SIRT1: variants seen among roughly 807,000 people sequenced by gnomAD.
SIRT1 encodes sirtuin 1, also known as NAD-dependent protein deacetylase sirtuin-1.
Under a neutral mutation model 67.9 loss-of-function variants are expected in SIRT1, and 24 were observed. That is an observed-to-expected ratio of 0.35 (90% CI 0.26 to 0.50). SIRT1 has a LOEUF of 0.50. Ranked by LOEUF, SIRT1 falls within the 20% of genes least tolerant of loss-of-function variation. The pLI is 0.98. For synonymous variants in SIRT1, 378 were observed against 350.7 expected (o/e 1.08, Z -0.87); for missense variants, 873 against 937.2 (o/e 0.93, Z 0.89).
rs546742195 is a variant in SIRT1 at position 67,899,320 on chromosome 10, A to T, written c.943-7470A>T. Reference sequence around the variant, plus strand: ...TTCTTAGCATTAAAAAAAAAGTTATATAAATATATATAATTATATATATAT... The same window carrying T: ...TTCTTAGCATTAAAAAAAAAGTTATTTAAATATATATAATTATATATATAT... On this transcript the variant is annotated intron_variant, in intron 4 of 8. Coordinates refer to ENST00000212015, the MANE Select transcript of SIRT1 (RefSeq NM_012238.5). 2.0e-4 allele frequency among the ~76,000 whole-genome samples: 30 copies of T among 151,070 alleles called. 1 individual carries two copies. In the South Asian group the frequency reaches 6.0e-3, roughly 30 times the overall value.
chr10:67,903,072 G>A (rs1842766866), intron 4 of SIRT1, among the ~76,000 whole-genome samples: 1 of 152,114 alleles, frequency 6.6e-6, no homozygotes, highest in Non-Finnish European at 1.5e-5. Flanking sequence ...CATCCTGGGT[G>A]ACAGAGCGAG....
At chr10:67,893,821 G>A (rs185305945) in intron 4 of SIRT1, among the ~76,000 whole-genome samples, 3 of 152,312 alleles carry the variant, frequency 2.0e-5, no homozygotes, top group Admixed American at 1.3e-4. Context: ...GGGATTACAG[G>A]TGCGAGGCAC....
At chr10:67,906,727 A>G (rs2131879801) in intron 4 of SIRT1, 63 bp from the exon 5 acceptor site, 1 of 1,494,762 alleles carries the variant, frequency 6.7e-7, no homozygotes, top group East Asian at 2.3e-5. Context: ...TTTTTTGTTA[A>G]ACATATGACA....
At chr10:67,892,182 C>A (rs1216504593) in intron 4 of SIRT1, among the ~76,000 whole-genome samples, 1 of 152,136 alleles carries the variant, frequency 6.6e-6, no homozygotes, top group Non-Finnish European at 1.5e-5. Flanking sequence ...TAGTTTTATT[C>A]ATCAAATATT....
Position 67,912,519 on chromosome 10 carries a change from C to G in SIRT1, c.1403C>G (p.Pro468Arg), listed in dbSNP as rs777705431. The G allele has an allele frequency of 1.2e-6, 2 of 1,613,912 alleles. No individual in the cohort carries two copies. Among genetic ancestry groups the G allele is most frequent in the East Asian group, 2.2e-5 (1 of 44,856 alleles). The part of the protein sequence containing the change: ...EVPQILINRE[P>R]LPHLHFDVEL... The stretch of plus-strand genomic sequence containing the variant: ...CCTCAGATATTAATTAATAGAGAAC[C>G]TTTGCCTCATCTGCATTTTGATGTA... Residue 468 changes from proline (P) to arginine (R), a missense_variant, in exon 8 of 9, where the codon CCT becomes CGT. Coordinates refer to ENST00000212015, the MANE Select transcript of SIRT1 (RefSeq NM_012238.5).
intron 4 of SIRT1, among the ~76,000 whole-genome samples, chr10:67,893,176 T>C (rs1842600289): frequency 1.3e-5 from 2 of 152,216 alleles, no homozygotes; most frequent in Admixed American, 1.3e-4. Context: ...ATGTGCAGAA[T>C]GCGCAGATTT....
intron 1 of SIRT1, among the ~76,000 whole-genome samples, chr10:67,886,665 AATT>A (rs563881527): frequency 2.6e-3 from 389 of 152,212 alleles, no homozygotes; most frequent in African/African-American, 9.0e-3. Context: ...ACCTAATAAT[AATT>A]GTGTTATTAA....
Position 67,912,927 on chromosome 10 carries a change from G to A in SIRT1, c.1811G>A (p.Gly604Asp), listed in dbSNP as rs533321736. The A allele has an allele frequency of 1.9e-6, 3 of 1,614,154 alleles. No individual in the cohort carries two copies. In the African/African-American group the frequency reaches 4.0e-5, roughly 22 times the overall value. Residue 604 changes from glycine to aspartate, a missense_variant, in exon 8 of 9, where the codon GGT (glycine) becomes GAT (aspartate). Gly to Asp is a moderately conservative substitution (Grantham distance 94). Coordinates refer to ENST00000212015, the MANE Select transcript of SIRT1 (RefSeq NM_012238.5). ...QMENPDLKNV[G>D]SSTGEKNERT... ...GAAAATCCGGATTTGAAGAATGTTG[G>A]TTCTAGTACTGGGGAGAAAAATGAA...
intron 4 of SIRT1, among the ~76,000 whole-genome samples, chr10:67,894,871 A>G (rs1055275486): frequency 3.3e-5 from 5 of 152,052 alleles, no homozygotes; most frequent in African/African-American, 4.8e-5. Flanking sequence ...CATCACGATC[A>G]GCACTTTTAG....
chr10:67,912,800 A>C lies in SIRT1; in HGVS notation c.1684A>C (p.Ser562Arg), dbSNP rs1842920007. 6.2e-7 allele frequency: 1 copy of C among 1,614,184 alleles called. No homozygotes were observed. The highest frequency in any genetic ancestry group is 8.5e-7 in the Non-Finnish European group (1 of 1,180,030). ...CACACTTTTAGACCAAGCAGCTAAG[A>C]GTAATGATGATTTAGATGTGTCTGA... ...IVTLLDQAAK[S>R]NDDLDVSESK... Residue 562 changes from serine to arginine, a missense_variant, in exon 8 of 9, where the codon AGT becomes CGT. Transcript: ENST00000212015.
chr10:67,906,350 A>C lies in SIRT1; in HGVS notation c.943-440A>C, dbSNP rs576753830. On this transcript the variant is annotated intron_variant, in intron 4 of 8. Coordinates refer to ENST00000212015, the MANE Select transcript of SIRT1 (RefSeq NM_012238.5). ...TTGATATTCTAATGAATGATAAATC[A>C]AAAAAAAATTTTAAATATTCTTGTA... 75 of 1,419,108 alleles carry C rather than the reference A, an allele frequency of 5.3e-5. 1 individual carries two copies. In the South Asian group the frequency reaches 1.0e-3, roughly 19 times the overall value. The allele number at this position is 1,419,108 out of a possible 1,614,324, so 87.9% of individuals were successfully genotyped here.
intron 4 of SIRT1, among the ~76,000 whole-genome samples, chr10:67,892,932 TTTAAAG>T (rs1417853653): frequency 1.3e-5 from 2 of 152,212 alleles, no homozygotes; most frequent in African/African-American, 4.8e-5. Flanking sequence ...TACTAAACAA[TTTAAAG>T]TTATATGTAT....
chr10:67,903,199 A>G (rs1477625613), intron 4 of SIRT1, among the ~76,000 whole-genome samples: 2 of 152,046 alleles, frequency 1.3e-5, no homozygotes, highest in African/African-American at 2.4e-5. Flanking sequence ...GACTCAAGTG[A>G]TTCTCCCTCC....
At chr10:67,885,253 C>G (rs1292513236) in intron 1 of SIRT1, 102 bp downstream of exon 1, 1 of 1,250,868 alleles carries the variant, frequency 8.0e-7, no homozygotes, top group Non-Finnish European at 1.0e-6. Context: ...GGGGCAGGCT[C>G]CGCGGCGTTC....
chr10:67,893,834 CG>C (rs1842611929), intron 4 of SIRT1, among the ~76,000 whole-genome samples: 1 of 152,200 alleles, frequency 6.6e-6, no homozygotes, highest in Non-Finnish European at 1.5e-5. Context: ...CGAGGCACCG[CG>C]CCCCGCGCCC....
In SIRT1 at chr10:67,916,546, G is replaced by T; in HGVS notation, c.2197G>T (p.Val733Leu). The T allele has an allele frequency of 6.2e-7, 1 of 1,614,002 alleles. No homozygotes were observed. Among genetic ancestry groups the T allele is most frequent in the Non-Finnish European group, 8.5e-7 (1 of 1,179,950 alleles). ...AGAGGCAATTAATGAAGCTATATCT[G>T]TGAAACAGGAAGTAACAGACATGAA... ...DQEAINEAIS[V>L]KQEVTDMNYP... The change falls in exon 9 of 9, where the codon GTG (valine) becomes TTG (leucine). Residue 733 changes from valine (V) to leucine (L), a missense_variant. Around this residue, in one of 3 missense-constraint regions of SIRT1, gnomAD observed 295 missense variants for 294.5 expected, o/e 1.00. Transcript: ENST00000212015.
chr10:67,914,358 C>T (rs759074816), intron 8 of SIRT1, among the ~76,000 whole-genome samples: 9 of 152,098 alleles, frequency 5.9e-5, no homozygotes, highest in East Asian at 1.9e-4. Context: ...GCGTGAGCCA[C>T]GGCGCCCAGC....
intron 4 of SIRT1, among the ~76,000 whole-genome samples, chr10:67,895,439 G>T (rs1278889649): frequency 6.6e-6 from 1 of 152,152 alleles, no homozygotes; most frequent in Non-Finnish European, 1.5e-5. Context: ...GGAGGATGGG[G>T]AGGGTATGTA....
intron 4 of SIRT1, chr10:67,906,418 G>A (rs1241037118): frequency 3.3e-6 from 3 of 911,924 alleles, no homozygotes; most frequent in Admixed American, 3.8e-5. Context: ...CTTGATATCT[G>A]TAATTTTAGT....
Sources: allele counts gnomAD v4.1 joint callset (sites outside exome capture counted in the v4.1 genomes callset), GRCh38; gene constraint gnomAD v4.1.1; regional missense constraint gnomAD v4.1.1; transcripts MANE v1.5; gene names NCBI Gene and HGNC (gene_info 2026-07-23, HGNC 2026-07-21).